Variants in SNTG1 observed in about 807,000 individuals in gnomAD.
SNTG1 encodes syntrophin gamma 1.
SNTG1 carries 39 observed loss-of-function variants against 74.7 expected under a neutral mutation model. That is an observed-to-expected ratio of 0.52 (90% CI 0.40 to 0.68). SNTG1 has a LOEUF of 0.68. Ranked by LOEUF, SNTG1 falls within the 30% of genes least tolerant of loss-of-function variation. The pLI, the probability that SNTG1 is intolerant of heterozygous loss-of-function variation, is 0.00. For synonymous variants in SNTG1, 254 were observed against 217.1 expected (o/e 1.17, Z -1.49); for missense variants, 685 against 609.5 (o/e 1.12, Z -1.30).
chr8:50,237,752 T>C (rs553821142), intron 2 of SNTG1, among the ~76,000 whole-genome samples: 10 of 152,154 alleles, frequency 6.6e-5, no homozygotes, highest in Admixed American at 1.3e-4. Context: ...AAGAACTTCT[T>C]CATATTGTCT....
chr8:50,076,515 T>C (rs1019922571), intron 1 of SNTG1, among the ~76,000 whole-genome samples: 3 of 152,150 alleles, frequency 2.0e-5, no homozygotes, highest in African/African-American at 7.2e-5. Flanking sequence ...TTGATTACTA[T>C]TAAAATGAAA....
intron 13 of SNTG1, among the ~76,000 whole-genome samples, chr8:50,592,012 G>A (rs2094695030): frequency 6.6e-6 from 1 of 152,130 alleles, no homozygotes; most frequent in Non-Finnish European, 1.5e-5. Context: ...ACAACACCTG[G>A]GATGTTCCCT....
chr8:50,644,926 T>TA (rs2095097889), intron 13 of SNTG1, among the ~76,000 whole-genome samples: 2 of 151,718 alleles, frequency 1.3e-5, no homozygotes. Context: ...GTGCTTTTTT[T>TA]TTTTTTTTTT....
intron 13 of SNTG1, among the ~76,000 whole-genome samples, chr8:50,595,947 T>C (rs2094724466): frequency 6.6e-6 from 1 of 152,054 alleles, no homozygotes; most frequent in South Asian, 2.1e-4. Flanking sequence ...TTATGAAAAG[T>C]CTTTGTCTTG....
intron 8 of SNTG1, among the ~76,000 whole-genome samples, chr8:50,468,922 T>A (rs1377899670): frequency 1.3e-5 from 2 of 152,186 alleles, no homozygotes; most frequent in African/African-American, 4.8e-5. Context: ...TCCCAATTCC[T>A]CCCTCCCATC....
intron 11 of SNTG1, among the ~76,000 whole-genome samples, chr8:50,537,445 T>G (rs1585612689): frequency 1.3e-5 from 2 of 152,260 alleles, no homozygotes; most frequent in South Asian, 4.1e-4. Flanking sequence ...ATTCTTATAT[T>G]ATTATCTATT....
chr8:50,555,922 C>T (rs2094453376), intron 12 of SNTG1, among the ~76,000 whole-genome samples: 1 of 152,016 alleles, frequency 6.6e-6, no homozygotes, highest in Non-Finnish European at 1.5e-5. Flanking sequence ...AAACGAAAAA[C>T]AACCTGTGTT....
chr8:50,160,682 A>G (rs1472084529), intron 1 of SNTG1, among the ~76,000 whole-genome samples: 1 of 152,204 alleles, frequency 6.6e-6, no homozygotes, highest in Admixed American at 6.5e-5. Flanking sequence ...CCTTAGAAAT[A>G]CTATGCATAG....
chr8:50,422,657 T>C (rs1057232794), intron 4 of SNTG1, among the ~76,000 whole-genome samples: 2 of 151,968 alleles, frequency 1.3e-5, no homozygotes, highest in Non-Finnish European at 2.9e-5. Context: ...GTGTGAGAGA[T>C]TAAATCCTGG....
intron 18 of SNTG1, among the ~76,000 whole-genome samples, chr8:50,765,954 C>T (rs1332273032): frequency 2.0e-5 from 3 of 151,910 alleles, no homozygotes; most frequent in South Asian, 2.1e-4. Context: ...GAGGAATTTA[C>T]GTGGCTTAAG....
chr8:50,107,899 G>A (rs2080441563), intron 1 of SNTG1, among the ~76,000 whole-genome samples: 1 of 152,120 alleles, frequency 6.6e-6, no homozygotes, highest in African/African-American at 2.4e-5. Flanking sequence ...TTGTAAGAAT[G>A]AAATGAGAAA....
chr8:50,316,594 C>T (rs1165813115), intron 2 of SNTG1, among the ~76,000 whole-genome samples: 2 of 151,990 alleles, frequency 1.3e-5, no homozygotes, highest in African/African-American at 4.8e-5. Flanking sequence ...TGATGGCAAC[C>T]TTTTTATGAC....
intron 2 of SNTG1, among the ~76,000 whole-genome samples, chr8:50,259,772 T>G (rs921190548): frequency 6.6e-6 from 1 of 152,164 alleles, no homozygotes; most frequent in African/African-American, 2.4e-5. Context: ...TTCAGAAAAC[T>G]GAGACAATAG....
chr8:50,127,160 G>A (rs1486233350), intron 1 of SNTG1, among the ~76,000 whole-genome samples: 1 of 152,090 alleles, frequency 6.6e-6, no homozygotes, highest in Non-Finnish European at 1.5e-5. Flanking sequence ...AGTGAAGGGG[G>A]AGGAGAAATT....
intron 8 of SNTG1, among the ~76,000 whole-genome samples, chr8:50,473,482 G>T (rs562420263): frequency 1.3e-5 from 2 of 152,242 alleles, no homozygotes; most frequent in South Asian, 4.1e-4. Flanking sequence ...ATGTAAAATG[G>T]TATAGCCATT....
chr8:50,765,422 G>A (rs1382517942), intron 18 of SNTG1, among the ~76,000 whole-genome samples: 1 of 151,942 alleles, frequency 6.6e-6, no homozygotes, highest in South Asian at 2.1e-4. Flanking sequence ...ATATGACACA[G>A]AGAGGCAAAC....
intron 1 of SNTG1, among the ~76,000 whole-genome samples, chr8:49,978,214 A>G (rs1812362052): frequency 6.6e-6 from 1 of 151,954 alleles, no homozygotes; most frequent in South Asian, 2.1e-4. Context: ...TTAGACTAGA[A>G]TGCACTGAAA....
intron 2 of SNTG1, among the ~76,000 whole-genome samples, chr8:50,309,958 C>A (rs934977238): frequency 6.6e-5 from 10 of 152,082 alleles, no homozygotes; most frequent in Admixed American, 6.6e-4. Flanking sequence ...GTATTAATAT[C>A]AAAAGTAAAA....
At chr8:49,945,572 A>T (rs536199822) in intron 1 of SNTG1, among the ~76,000 whole-genome samples, 1 of 152,192 alleles carries the variant, frequency 6.6e-6, no homozygotes, top group Non-Finnish European at 1.5e-5. Flanking sequence ...CAGCCAGCAG[A>T]TGACCCGTGT....
Sources: gnomAD v4.1 joint callset for allele counts (sites outside exome capture counted in the v4.1 genomes callset) on GRCh38, gnomAD v4.1.1 for gene constraint, MANE v1.5 for transcripts, NCBI Gene and HGNC (gene_info 2026-07-23, HGNC 2026-07-21) for gene names.